RYR2: variants seen among roughly 807,000 people sequenced by gnomAD.
RYR2 encodes the protein ryanodine receptor 2, also known as cardiac muscle ryanodine receptor-calcium release channel.
RYR2 carries 227 observed loss-of-function variants against 601.1 expected under a neutral mutation model. The ratio of observed to expected loss-of-function variants is 0.38; its 90% CI spans 0.34 to 0.42. The LOEUF (loss-of-function observed/expected upper bound fraction) is 0.42. Among genes scored for constraint, RYR2 ranks in the 10% least tolerant of loss-of-function variants. The pLI is 1.00. For missense variants in RYR2, 4,646 were observed against 6,156.5 expected (o/e 0.75, Z 8.21); for synonymous variants, 2,223 against 2,175.1 (o/e 1.02, Z -0.61).
chr1:237,803,519 C>T (rs562555652), intron 98 of RYR2, among the ~76,000 whole-genome samples: 17 of 152,078 alleles, frequency 1.1e-4, no homozygotes, highest in Admixed American at 2.0e-4. Flanking sequence ...CCAGGATGGT[C>T]TCGATCTCCT....
rs184517398 is a variant in RYR2, at chr1:237,136,640, T to A, written c.48+94071T>A. On this transcript the variant is annotated intron_variant, in intron 1 of 104. Transcript: ENST00000366574. Reference sequence around the variant, plus strand: ...GGGAATATTGGCAAGAGGGAGAAGGTTTTCCTGTTCAAGCATACTACAATG... The same window carrying A: ...GGGAATATTGGCAAGAGGGAGAAGGATTTCCTGTTCAAGCATACTACAATG... 5.3e-5 allele frequency among the ~76,000 whole-genome samples: 8 copies of A among 152,146 alleles called. No individual in the cohort carries two copies. The East Asian group carries it at 1.5e-3, about 29-fold the overall frequency.
chr1:237,618,338 G>C (rs1299681543), intron 38 of RYR2, among the ~76,000 whole-genome samples: 2 of 152,156 alleles, frequency 1.3e-5, no homozygotes, highest in African/African-American at 4.8e-5. Flanking sequence ...TCTGCTTCTG[G>C]AAAGATGGAG....
At position 237,614,366 on chromosome 1, in the gene RYR2, C is replaced by T. The variant is rs371966699; in HGVS notation, c.5238C>T (p.His1746=). Residue 1746 remains histidine, a synonymous_variant, in exon 37 of 105, where the codon CAC becomes CAT. Transcript: ENST00000366574. The surrounding 1 kb of genome is among the most constrained non-coding windows in gnomAD (Gnocchi z 4.3). ...ITLFPDENKK[H]GLPGIGLSTS... ...TGTTCCCTGATGAGAACAAAAAACA[C>T]GGCCTTCCAGGGATCGGCCTCAGCA... 17 of 1,613,914 alleles carry T rather than the reference C, an allele frequency of 1.1e-5. No individual in the cohort carries two copies. Among genetic ancestry groups the T allele is most frequent in the East Asian group, 4.5e-5 (2 of 44,888 alleles).
chr1:237,505,211 A>C (rs1665092132), intron 22 of RYR2, among the ~76,000 whole-genome samples: 1 of 152,206 alleles, frequency 6.6e-6, no homozygotes, highest in Admixed American at 6.5e-5. Flanking sequence ...TACTTGGCAA[A>C]TAGTCACCCA....
At chr1:237,579,589 A>T (rs1263923069) in intron 29 of RYR2, among the ~76,000 whole-genome samples, 1 of 152,100 alleles carries the variant, frequency 6.6e-6, no homozygotes, top group African/African-American at 2.4e-5. Context: ...CATAGGGCAA[A>T]TTTCCATGGG....
intron 3 of RYR2, among the ~76,000 whole-genome samples, chr1:237,348,700 T>A (rs1162624657): frequency 2.0e-5 from 3 of 152,172 alleles, no homozygotes; most frequent in Non-Finnish European, 4.4e-5. Context: ...TCAAACGTGT[T>A]ATTAGGCATG....
chr1:237,126,236 CAA>C (rs35923495), intron 1 of RYR2, among the ~76,000 whole-genome samples: 8 of 140,606 alleles, frequency 5.7e-5, no homozygotes, highest in African/African-American at 8.0e-5. Context: ...GACTCTGTCT[CAA>C]AAAAAAAAAA....
chr1:237,119,006 G>C (rs190509604), intron 1 of RYR2, among the ~76,000 whole-genome samples: 19 of 152,086 alleles, frequency 1.2e-4, no homozygotes, highest in Admixed American at 7.9e-4. Flanking sequence ...TAATGTGGGG[G>C]GTATGGGCTG....
chr1:237,298,702 T>G (rs930059998), intron 2 of RYR2, among the ~76,000 whole-genome samples: 1 of 152,128 alleles, frequency 6.6e-6, no homozygotes, highest in Admixed American at 6.5e-5. Context: ...AAAATATATT[T>G]TTTTAAAGAT....
intron 100 of RYR2, among the ~76,000 whole-genome samples, chr1:237,811,958 C>G (rs1156494071): frequency 6.6e-6 from 1 of 152,068 alleles, no homozygotes; most frequent in Non-Finnish European, 1.5e-5. Context: ...AAATGCCATC[C>G]CAGTTACAAA....
rs540681464 is a variant in RYR2 at position 237,644,675 on chromosome 1, C to T, written c.7342+1228C>T. On this transcript the variant is annotated intron_variant, in intron 48 of 104. Coordinates refer to ENST00000366574, the MANE Select transcript of RYR2 (RefSeq NM_001035.3). ...ATGTAAGGTGTTTTTTTTCAGTTTTCAATACTTTATTGGATATTTATACAT... is the reference window on the plus strand; with the variant it reads ...ATGTAAGGTGTTTTTTTTCAGTTTTTAATACTTTATTGGATATTTATACAT... 2.0e-5 allele frequency among the ~76,000 whole-genome samples: 3 copies of T among 151,566 alleles called. 1 individual carries two copies. The highest frequency in any genetic ancestry group is 7.2e-5 in the African/African-American group (3 of 41,384).
At chr1:237,279,254 C>A (rs2149376234) in intron 2 of RYR2, among the ~76,000 whole-genome samples, 1 of 152,180 alleles carries the variant, frequency 6.6e-6, no homozygotes, top group South Asian at 2.1e-4. Context: ...ATTTATTTGG[C>A]TTTTCATGTT....
chr1:237,175,986 C>T (rs1265286363), intron 1 of RYR2, among the ~76,000 whole-genome samples: 1 of 151,940 alleles, frequency 6.6e-6, no homozygotes, highest in Non-Finnish European at 1.5e-5. Context: ...CATCCCAGCA[C>T]ATTGGGAGGC....
chr1:237,617,620 A>C (rs1379296122), intron 38 of RYR2, 134 bp downstream of exon 38: 1 of 828,110 alleles, frequency 1.2e-6, no homozygotes, highest in African/African-American at 1.7e-5. Context: ...TGATTTAGTT[A>C]GTATTCTTAG....
At chr1:237,508,180 C>T (rs1008707844) in intron 23 of RYR2, among the ~76,000 whole-genome samples, 11 of 152,034 alleles carry the variant, frequency 7.2e-5, no homozygotes, top group Non-Finnish European at 1.5e-4. Context: ...AGGCTGGTCT[C>T]GAACTCCTGA....
intron 1 of RYR2, among the ~76,000 whole-genome samples, chr1:237,220,971 C>T (rs1683737278): frequency 6.6e-6 from 1 of 151,936 alleles, no homozygotes; most frequent in South Asian, 2.1e-4. Context: ...TGGTGGGTGC[C>T]CGTAATCCCA....
chr1:237,708,727 T>G, intron 68 of RYR2, 131 bp from the exon 69 acceptor site: 3 of 724,100 alleles, frequency 4.1e-6, no homozygotes, highest in South Asian at 2.3e-5. Context: ...GGCTGAGGCA[T>G]GAGCTGTACC....
intron 1 of RYR2, among the ~76,000 whole-genome samples, chr1:237,131,776 A>T (rs965417290): frequency 2.6e-5 from 4 of 151,950 alleles, no homozygotes; most frequent in African/African-American, 9.7e-5. Flanking sequence ...GCTGTAGTGC[A>T]GTGGCACGAT....
At chr1:237,161,542 G>A (rs563579147) in intron 1 of RYR2, among the ~76,000 whole-genome samples, 147 of 148,190 alleles carry the variant, frequency 9.9e-4, no homozygotes, top group African/African-American at 3.7e-3. Context: ...TAATTTATTA[G>A]ACATCTTTTT....
Sources: gnomAD v4.1 joint callset for allele counts (sites outside exome capture counted in the v4.1 genomes callset) on GRCh38, gnomAD v4.1.1 for gene constraint, Gnocchi (gnomAD v3.1) non-coding constraint, MANE v1.5 for transcripts, NCBI Gene and HGNC (gene_info 2026-07-23, HGNC 2026-07-21) for gene names.